Variants in CNKSR3 observed in about 807,000 individuals in gnomAD.
The protein encoded by CNKSR3 is CNKSR family member 3, also known as connector enhancer of kinase suppressor of ras 3.
Under a neutral mutation model 67.7 loss-of-function variants are expected in CNKSR3, and 36 were observed. That is an observed-to-expected ratio of 0.53 (90% CI 0.41 to 0.70). The LOEUF is 0.70. CNKSR3 is among the 30% of genes least tolerant of loss of function. The probability of loss-of-function intolerance (pLI) is 0.00; values close to 1 mark genes in which losing one functional copy is unlikely to be tolerated. For synonymous variants in CNKSR3, 281 were observed against 271.4 expected (o/e 1.04, Z -0.35); for missense variants, 630 against 695.2 (o/e 0.91, Z 1.05).
chr6:154,419,180 C>T (rs72993367), intron 9 of CNKSR3, among the ~76,000 whole-genome samples: 6,900 of 151,926 alleles, frequency 0.045, 209 homozygotes, highest in African/African-American at 0.074. Context: ...ACAACAGGTA[C>T]GTGCCACCAC....
chr6:154,480,945 CTT>C (rs1032404172), intron 1 of CNKSR3, among the ~76,000 whole-genome samples: 2 of 152,084 alleles, frequency 1.3e-5, no homozygotes, highest in African/African-American at 2.4e-5. Context: ...TGATAGCAGT[CTT>C]ATGCATATTT....
intron 1 of CNKSR3, among the ~76,000 whole-genome samples, chr6:154,467,217 C>T (rs975139623): frequency 2.0e-5 from 3 of 152,138 alleles, no homozygotes; most frequent in Admixed American, 6.5e-5. Context: ...ACTTTAATCA[C>T]CTCCATCCCT....
At chr6:154,482,733 T>C (rs1002365771) in intron 1 of CNKSR3, among the ~76,000 whole-genome samples, 13 of 152,228 alleles carry the variant, frequency 8.5e-5, no homozygotes, top group Non-Finnish European at 1.9e-4. Flanking sequence ...GGACTATCTT[T>C]TCCAACCTAT....
intron 10 of CNKSR3, among the ~76,000 whole-genome samples, chr6:154,412,373 A>C (rs952789407): frequency 6.6e-6 from 1 of 152,168 alleles, no homozygotes; most frequent in African/African-American, 2.4e-5. Flanking sequence ...CGAGCAGTTT[A>C]ATCCAGCTCT....
In CNKSR3 at chr6:154,405,133, AT is replaced by A. The variant is rs1784761846; in HGVS notation, c.*1220del. 6.6e-6 allele frequency: 1 copy of A among 152,478 alleles called. No homozygotes were observed. Among genetic ancestry groups the A allele is most frequent in the East Asian group, 1.9e-4 (1 of 5,204 alleles). 9.4% of individuals were successfully genotyped at this position (152,478 alleles called of 1,614,324 possible). ...TCTCCTGTTCTTCCATTTCTAATCC[AT>A]AAAATCCCAAAATGCTTGGGAGGGT... On this transcript the variant is annotated 3_prime_UTR_variant, in exon 13 of 13. Transcript: ENST00000607772.
At chr6:154,426,930 G>C (rs1785268055) in intron 7 of CNKSR3, among the ~76,000 whole-genome samples, 1 of 152,148 alleles carries the variant, frequency 6.6e-6, no homozygotes. Context: ...GCAATGTACT[G>C]AGTCTCGATC....
intron 6 of CNKSR3, 54 bp from the exon 7 acceptor site, chr6:154,428,241 C>A: frequency 3.6e-6 from 4 of 1,119,560 alleles, no homozygotes; most frequent in Non-Finnish European, 5.5e-6. Flanking sequence ...AGAGACATAG[C>A]CCCGAGTGAG....
At chr6:154,498,976 C>G (rs1786929628) in intron 1 of CNKSR3, among the ~76,000 whole-genome samples, 1 of 152,146 alleles carries the variant, frequency 6.6e-6, no homozygotes, top group Admixed American at 6.5e-5. Context: ...CGAGTCAGGT[C>G]TGGAAATTCC....
chr6:154,508,701 A>G (rs60707704), intron 1 of CNKSR3, among the ~76,000 whole-genome samples: 48,803 of 152,096 alleles, frequency 0.32, 8,166 homozygotes, highest in African/African-American at 0.4. Flanking sequence ...CAAGGCAGAA[A>G]CATGTGTTGT....
intron 10 of CNKSR3, among the ~76,000 whole-genome samples, 154 bp from the exon 11 acceptor site, chr6:154,411,296 C>T (rs910088871): frequency 3.9e-5 from 6 of 152,212 alleles, no homozygotes; most frequent in Admixed American, 6.5e-5. Context: ...CCCCAGTTGC[C>T]GCTCAAATAC....
chr6:154,444,071 C>T (rs1396575148), intron 2 of CNKSR3, among the ~76,000 whole-genome samples: 1 of 152,144 alleles, frequency 6.6e-6, no homozygotes, highest in African/African-American at 2.4e-5. Context: ...TCAGTTGCCT[C>T]TGTATGTCCT....
At chr6:154,485,610 C>T (rs1468896076) in intron 1 of CNKSR3, among the ~76,000 whole-genome samples, 1 of 152,196 alleles carries the variant, frequency 6.6e-6, no homozygotes, top group Admixed American at 6.5e-5. Context: ...GTTCTTAATA[C>T]GAACAGCGTG....
intron 2 of CNKSR3, among the ~76,000 whole-genome samples, chr6:154,443,725 G>A (rs1029100203): frequency 6.6e-5 from 10 of 152,124 alleles, no homozygotes; most frequent in African/African-American, 2.2e-4. Flanking sequence ...TTGAAGATAT[G>A]GCTCCTGTTT....
At chr6:154,420,915 G>A (rs1785131324) in intron 9 of CNKSR3, among the ~76,000 whole-genome samples, 1 of 152,126 alleles carries the variant, frequency 6.6e-6, no homozygotes. Flanking sequence ...CAATTAAAAA[G>A]TGAATTTTAA....
At chr6:154,433,705 TCCTGCTCTC>T in intron 4 of CNKSR3, 198 bp from the exon 5 acceptor site, 1 of 540,222 alleles carries the variant, frequency 1.9e-6, no homozygotes, top group African/African-American at 1.9e-5. Flanking sequence ...CTTCCGAAGG[TCCTGCTCTC>T]CCCTGACCTA....
chr6:154,505,598 T>C (rs555495754), intron 1 of CNKSR3, among the ~76,000 whole-genome samples: 37 of 150,524 alleles, frequency 2.5e-4, no homozygotes, highest in Middle Eastern at 3.4e-3. Context: ...CCCGGGTTCA[T>C]GCCATTCTCC....
chr6:154,492,549 C>G (rs1786800908), intron 1 of CNKSR3, among the ~76,000 whole-genome samples: 1 of 152,166 alleles, frequency 6.6e-6, no homozygotes, highest in Non-Finnish European at 1.5e-5. Context: ...AGTTTGGGAC[C>G]AGCCTGGCCA....
intron 1 of CNKSR3, among the ~76,000 whole-genome samples, chr6:154,477,215 T>C (rs1363352310): frequency 1.3e-5 from 2 of 152,194 alleles, no homozygotes; most frequent in Admixed American, 6.5e-5. Flanking sequence ...TCAAAAATGA[T>C]TGTAACATTA....
chr6:154,426,576 C>T (rs1193637774), intron 7 of CNKSR3, among the ~76,000 whole-genome samples: 2 of 152,034 alleles, frequency 1.3e-5, no homozygotes, highest in Non-Finnish European at 2.9e-5. Context: ...AGGATGGTCT[C>T]GATCTCCTGA....
Sources: gnomAD v4.1 joint callset for allele counts (sites outside exome capture counted in the v4.1 genomes callset) on GRCh38, gnomAD v4.1.1 for gene constraint, MANE v1.5 for transcripts, NCBI Gene and HGNC (gene_info 2026-07-23, HGNC 2026-07-21) for gene names.